GCSH: variants seen among roughly 807,000 people sequenced by gnomAD.
The protein encoded by GCSH is glycine cleavage system protein H.
In GCSH, 15 loss-of-function variants were observed where a neutral mutation model predicts 21.3. The ratio of observed to expected loss-of-function variants is 0.70; its 90% CI spans 0.47 to 1.08. The LOEUF is 1.08. GCSH is among the 50% of genes least tolerant of loss of function. The pLI is 0.00. For synonymous variants in GCSH, 59 were observed against 84.5 expected (o/e 0.70, Z 1.66); for missense variants, 179 against 217.5 (o/e 0.82, Z 1.11).
chr16:81,090,771 G>A (rs1972383542), intron 1 of GCSH, 91 bp from the exon 2 acceptor site: 1 of 911,114 alleles, frequency 1.1e-6, no homozygotes, highest in African/African-American at 1.6e-5. Flanking sequence ...GACTTTCCCA[G>A]AATTTCTGTT....
intron 1 of GCSH, among the ~76,000 whole-genome samples, chr16:81,095,158 C>G (rs1972477577): frequency 6.6e-6 from 1 of 151,642 alleles, no homozygotes; most frequent in Non-Finnish European, 1.5e-5. Flanking sequence ...TGAAGTAGCA[C>G]AAATGGCCGA....
chr16:81,095,532 G>A (rs1197041866), intron 1 of GCSH, among the ~76,000 whole-genome samples: 1 of 151,900 alleles, frequency 6.6e-6, no homozygotes, highest in African/African-American at 2.4e-5. Flanking sequence ...ACATGCGCAT[G>A]CCGCCACGCC....
At chr16:81,084,988 T>C (rs1161998609) in intron 3 of GCSH, among the ~76,000 whole-genome samples, 1 of 147,482 alleles carries the variant, frequency 6.8e-6, no homozygotes, top group East Asian at 2.0e-4. Flanking sequence ...GTGCTGGGAT[T>C]ATAGGCATAA....
chr16:81,088,122 T>C (rs1011698151), intron 2 of GCSH, among the ~76,000 whole-genome samples: 3 of 151,852 alleles, frequency 2.0e-5, no homozygotes, highest in African/African-American at 7.3e-5. Context: ...CAAGACTCCA[T>C]GTCAAGAATA....
chr16:81,095,677 G>A (rs947053108), intron 1 of GCSH, among the ~76,000 whole-genome samples: 2 of 100,982 alleles, frequency 2.0e-5, no homozygotes, highest in Admixed American at 2.1e-4. Context: ...TTTAATAAGC[G>A]CTTCTGTTTT....
rs1438320942 is a variant in GCSH, at chr16:81,082,328, C to T, written c.*538G>A. On this transcript the variant is annotated 3_prime_UTR_variant, in exon 5 of 5. Coordinates refer to ENST00000315467, the MANE Select transcript of GCSH (RefSeq NM_004483.5). Reference sequence around the variant, plus strand: ...TTAACATCAAAACAAACATGATTAACGAAGAAGTATTTTATTATTTTGCTG... The same window carrying T: ...TTAACATCAAAACAAACATGATTAATGAAGAAGTATTTTATTATTTTGCTG... The T allele has an allele frequency of 2.7e-5, 12 of 440,754 alleles. No homozygotes were observed. The highest frequency in any genetic ancestry group is 8.1e-5 in the South Asian group (5 of 62,050). The allele number at this position is 440,754 out of a possible 1,614,324, so 27.3% of individuals were successfully genotyped here. A position where few individuals can be genotyped will look rare whatever the true frequency, so the allele number is the denominator to read the frequency against.
At chr16:81,092,809 G>T (rs547330955) in intron 1 of GCSH, among the ~76,000 whole-genome samples, 24 of 151,538 alleles carry the variant, frequency 1.6e-4, no homozygotes, top group African/African-American at 5.6e-4. Flanking sequence ...CACTTTGGGA[G>T]AAAAATATAT....
At chr16:81,088,693 G>A (rs893731065) in intron 2 of GCSH, among the ~76,000 whole-genome samples, 7 of 152,100 alleles carry the variant, frequency 4.6e-5, no homozygotes, top group Non-Finnish European at 8.8e-5. Context: ...GAGCCACTGC[G>A]CCCGGCAAAC....
chr16:81,085,259 C>T (rs766288042), intron 3 of GCSH, among the ~76,000 whole-genome samples: 10 of 151,970 alleles, frequency 6.6e-5, no homozygotes, highest in African/African-American at 1.9e-4. Context: ...GTGATCAACC[C>T]GCCTCAGCCT....
At chr16:81,095,620 G>C (rs1353656660) in intron 1 of GCSH, among the ~76,000 whole-genome samples, 1 of 152,014 alleles carries the variant, frequency 6.6e-6, no homozygotes, top group Non-Finnish European at 1.5e-5. Context: ...CTGACCTCGT[G>C]ATCCGCCCTC....
chr16:81,083,290 A>G (rs8177950), intron 4 of GCSH: 32,608 of 331,290 alleles, frequency 0.098, 1,810 homozygotes, highest in East Asian at 0.2. Context: ...AGCGAAGGCA[A>G]GCAAATCACT....
At chr16:81,092,000 C>A (rs1312965117) in intron 1 of GCSH, among the ~76,000 whole-genome samples, 2 of 151,988 alleles carry the variant, frequency 1.3e-5, no homozygotes, top group Non-Finnish European at 2.9e-5. Context: ...TGGAAGAAGT[C>A]AAAAAATGTG....
intron 1 of GCSH, among the ~76,000 whole-genome samples, chr16:81,091,758 C>T (rs74593194): frequency 2.0e-4 from 31 of 151,994 alleles, no homozygotes; most frequent in African/African-American, 7.3e-4. Context: ...ATACGCAGCA[C>T]AACGTAAGTA....
intron 2 of GCSH, among the ~76,000 whole-genome samples, chr16:81,090,233 G>A (rs1479384193): frequency 6.6e-6 from 1 of 151,714 alleles, no homozygotes; most frequent in Non-Finnish European, 1.5e-5. Flanking sequence ...TGGGATTACA[G>A]GTGTGCACCA....
At chr16:81,095,611 T>A (rs1972489178) in intron 1 of GCSH, among the ~76,000 whole-genome samples, 2 of 152,096 alleles carry the variant, frequency 1.3e-5, no homozygotes, top group Admixed American at 1.3e-4. Context: ...CTCGATCTCC[T>A]GACCTCGTGA....
rs529892469 is a variant in GCSH at position 81,096,314 on chromosome 16, C to A, written c.-36G>T. ...GTGCGGGGGTCGCAGCGCTACGCCT[C>A]GGCCACCCGCGCCGGGAGGCGGGGC... On this transcript the variant is annotated 5_prime_UTR_variant, in exon 1 of 5. Coordinates refer to ENST00000315467, the MANE Select transcript of GCSH (RefSeq NM_004483.5). The A allele has an allele frequency of 3.3e-3, 4,409 of 1,346,228 alleles. 14 individuals carry two copies. The highest frequency in any genetic ancestry group is 3.8e-3 in the Non-Finnish European group (4,019 of 1,053,584). The allele number at this position is 1,346,228 out of a possible 1,614,324, so 83.4% of individuals were successfully genotyped here.
rs1322924800 is a variant in GCSH, at chr16:81,085,028, T to TC, written c.293-435_293-434insG. On this transcript the variant is annotated intron_variant, in intron 3 of 4. Transcript: ENST00000315467. ...CTGCACCTGGCTCTTTTTTTTTTTT[T>TC]TTTTTGAGACGGAGTCTCGCTCTGT... Among the ~76,000 whole-genome samples the TC allele has an allele frequency of 2.0e-5, 3 of 149,022 alleles. No individual in the cohort carries two copies. The East Asian group carries it at 5.9e-4, about 29-fold the overall frequency.
intron 1 of GCSH, among the ~76,000 whole-genome samples, chr16:81,092,069 T>A (rs1972409324): frequency 6.6e-6 from 1 of 152,208 alleles, no homozygotes; most frequent in Admixed American, 6.6e-5. Context: ...TTCAGGTCAC[T>A]CTGACGTTCA....
rs558028144 is a variant in GCSH at position 81,090,007 on chromosome 16, GC to G, written c.228+593del. Among the ~76,000 whole-genome samples, 366 of 152,166 alleles carry G rather than the reference GC, an allele frequency of 2.4e-3. 2 individuals are homozygous for G. Among genetic ancestry groups the G allele is most frequent in the African/African-American group, 8.4e-3 (349 of 41,532 alleles). On this transcript the variant is annotated intron_variant, in intron 2 of 4. Coordinates refer to ENST00000315467, the MANE Select transcript of GCSH (RefSeq NM_004483.5). ...GTTTCCTACTTTCAGTGTTAAGCTT[GC>G]AACATCTCTTAAAACACCACATAAT...
Sources: gnomAD v4.1 joint callset for allele counts (sites outside exome capture counted in the v4.1 genomes callset) on GRCh38, gnomAD v4.1.1 for gene constraint, MANE v1.5 for transcripts, NCBI Gene and HGNC (gene_info 2026-07-23, HGNC 2026-07-21) for gene names.